Variants in GRID1 observed in about 807,000 individuals in gnomAD.
GRID1 encodes the protein glutamate ionotropic receptor delta type subunit 1, also known as glutamate receptor ionotropic, delta-1.
A neutral mutation model predicts 98.0 loss-of-function variants in GRID1; 28 were observed. The ratio of observed to expected loss-of-function variants is 0.29; its 90% CI spans 0.21 to 0.39. The LOEUF is 0.39. GRID1 is among the 10% of genes least tolerant of loss of function. GRID1 has a pLI of 1.00. For missense variants in GRID1, 1,111 were observed against 1,340.5 expected (o/e 0.83, Z 2.67); for synonymous variants, 553 against 538.5 (o/e 1.03, Z -0.37).
rs1018001773 is a variant in GRID1 at position 86,192,945 on chromosome 10, T to C, written c.520+13419A>G. Among the ~76,000 whole-genome samples the C allele has an allele frequency of 6.6e-6, 1 of 151,874 alleles. No individual in the cohort carries two copies. Among genetic ancestry groups the C allele is most frequent in the East Asian group, 1.9e-4 (1 of 5,168 alleles). On this transcript the variant is annotated intron_variant, in intron 3 of 15. Transcript: ENST00000327946. This position sits in a 1 kb window ranked among gnomAD's most constrained non-coding sequence, Gnocchi z 4.8. ...TGGGTCCCTCTGCAAACAGAATGTG[T>C]GAGAGGCCAGAGCGTGTGTCTCAGG...
At chr10:86,007,859 TA>T (rs1842882178) in intron 4 of GRID1, among the ~76,000 whole-genome samples, 1 of 151,692 alleles carries the variant, frequency 6.6e-6, no homozygotes, top group Non-Finnish European at 1.5e-5. Context: ...TATTTTTGGT[TA>T]GGGGGAGTTG....
At chr10:86,148,157 T>G (rs1845113767) in intron 3 of GRID1, among the ~76,000 whole-genome samples, 1 of 152,220 alleles carries the variant, frequency 6.6e-6, no homozygotes, top group African/African-American at 2.4e-5. Flanking sequence ...TAATAAAGCC[T>G]GTATTAAAAC....
At chr10:85,720,351 C>T (rs951216663) in intron 12 of GRID1, among the ~76,000 whole-genome samples, 6 of 151,830 alleles carry the variant, frequency 4.0e-5, no homozygotes, top group East Asian at 1.9e-4. Flanking sequence ...TATAGATGCA[C>T]GTCCTAGAAT....
intron 4 of GRID1, among the ~76,000 whole-genome samples, chr10:85,928,942 G>A (rs75594923): frequency 0.039 from 5,947 of 152,232 alleles, 379 homozygotes; most frequent in African/African-American, 0.14. Flanking sequence ...ATGTGAAGAG[G>A]ACTCCAAACC....
chr10:85,887,794 A>C (rs1184753819), intron 5 of GRID1, among the ~76,000 whole-genome samples: 2 of 152,220 alleles, frequency 1.3e-5, no homozygotes, highest in African/African-American at 4.8e-5. Context: ...GCTTTAATTC[A>C]ATAGGATACA....
At chr10:85,607,211 G>A (rs1325213818) in intron 15 of GRID1, 6 of 152,162 alleles carry the variant, frequency 3.9e-5, no homozygotes, top group Non-Finnish European at 1.5e-5. Context: ...ATTGGAAAAC[G>A]GTAATTAACT....
At chr10:85,656,419 A>T (rs1040048053) in intron 12 of GRID1, among the ~76,000 whole-genome samples, 1 of 152,094 alleles carries the variant, frequency 6.6e-6, no homozygotes, top group East Asian at 1.9e-4. Flanking sequence ...CCACAATCTC[A>T]TCATGTCAGT....
At chr10:85,761,139 C>A (rs1421466878) in intron 8 of GRID1, among the ~76,000 whole-genome samples, 1 of 152,174 alleles carries the variant, frequency 6.6e-6, no homozygotes, top group Non-Finnish European at 1.5e-5. Context: ...AAGAAGGAAG[C>A]ACTTGCCATG....
chr10:85,962,214 C>T (rs909763497), intron 4 of GRID1, among the ~76,000 whole-genome samples: 2 of 152,292 alleles, frequency 1.3e-5, no homozygotes, highest in African/African-American at 4.8e-5. Flanking sequence ...CCCTTCCCTT[C>T]CCTCCTTCCC....
intron 2 of GRID1, among the ~76,000 whole-genome samples, chr10:86,239,534 G>C (rs1846594445): frequency 6.6e-6 from 1 of 152,170 alleles, no homozygotes; most frequent in Non-Finnish European, 1.5e-5. Flanking sequence ...TTGGATTTGT[G>C]TCCCCACCCA....
At chr10:85,782,399 A>G (rs1296659756) in intron 8 of GRID1, among the ~76,000 whole-genome samples, 1 of 152,248 alleles carries the variant, frequency 6.6e-6, no homozygotes, top group African/African-American at 2.4e-5. Context: ...CATTCATTCA[A>G]CAAATGTTTA....
chr10:85,606,476 T>C (rs539095287), intron 15 of GRID1: 1 of 152,212 alleles, frequency 6.6e-6, no homozygotes, highest in Non-Finnish European at 1.5e-5. Context: ...GTTATTTAAC[T>C]GAATAAGAAA....
intron 4 of GRID1, among the ~76,000 whole-genome samples, chr10:86,062,715 T>A (rs1843666092): frequency 6.6e-6 from 1 of 152,206 alleles, no homozygotes; most frequent in South Asian, 2.1e-4. Context: ...TCATGTGCTC[T>A]CACCTACCCT....
At chr10:85,815,845 A>G (rs912126283) in intron 8 of GRID1, among the ~76,000 whole-genome samples, 9 of 152,090 alleles carry the variant, frequency 5.9e-5, no homozygotes, top group Non-Finnish European at 1.2e-4. Context: ...TATTAAGAAT[A>G]CATCTATAGA....
At chr10:85,977,532 G>C (rs960664366) in intron 4 of GRID1, among the ~76,000 whole-genome samples, 3 of 152,120 alleles carry the variant, frequency 2.0e-5, no homozygotes, top group Non-Finnish European at 2.9e-5. Context: ...GAAAAACAAG[G>C]GCATATTCAT....
chr10:86,033,573 G>C (rs1276361999), intron 4 of GRID1, among the ~76,000 whole-genome samples: 2 of 152,240 alleles, frequency 1.3e-5, no homozygotes, highest in Non-Finnish European at 2.9e-5. Context: ...GCCTGCAGAA[G>C]TGTGGACTAT....
intron 4 of GRID1, among the ~76,000 whole-genome samples, chr10:86,034,802 A>T (rs1843233273): frequency 6.6e-6 from 1 of 152,102 alleles, no homozygotes; most frequent in Non-Finnish European, 1.5e-5. Context: ...GGATGAACAG[A>T]TGTATGATGG....
At chr10:86,180,242 C>T (rs914499311) in intron 3 of GRID1, among the ~76,000 whole-genome samples, 10 of 152,200 alleles carry the variant, frequency 6.6e-5, no homozygotes, top group Non-Finnish European at 8.8e-5. Flanking sequence ...GCCTGGGGCC[C>T]GCAGTGATTG....
At chr10:85,824,696 A>C (rs569773678) in intron 8 of GRID1, among the ~76,000 whole-genome samples, 3 of 151,844 alleles carry the variant, frequency 2.0e-5, no homozygotes, top group African/African-American at 2.4e-5. Context: ...CCACCCCCCC[A>C]CCACCAACCT....
Sources: allele counts gnomAD v4.1 joint callset (sites outside exome capture counted in the v4.1 genomes callset), GRCh38; gene constraint gnomAD v4.1.1; non-coding constraint Gnocchi (gnomAD v3.1); transcripts MANE v1.5; gene names NCBI Gene and HGNC (gene_info 2026-07-23, HGNC 2026-07-21).